Variants in PARP1 observed in about 807,000 individuals in gnomAD.
PARP1 encodes poly(ADP-ribose) polymerase 1.
PARP1 carries 44 observed loss-of-function variants against 118.7 expected under a neutral mutation model. The observed-to-expected ratio is 0.37, with a 90% CI of 0.29 to 0.48. PARP1 has a LOEUF of 0.48. PARP1 is among the 20% of genes least tolerant of loss of function. The probability of loss-of-function intolerance (pLI) is 0.99; values close to 1 mark genes in which losing one functional copy is unlikely to be tolerated. For missense variants in PARP1, 1,100 were observed against 1,272.4 expected (o/e 0.86, Z 2.06); for synonymous variants, 492 against 483.2 (o/e 1.02, Z -0.24).
chr1:226,395,311 A>G (rs1297729256), intron 2 of PARP1, among the ~76,000 whole-genome samples: 1 of 152,304 alleles, frequency 6.6e-6, no homozygotes, highest in African/African-American at 2.4e-5. Context: ...GGTCTGTAAC[A>G]TATATCTGTA....
At chr1:226,404,857 A>C (rs959707001) in intron 1 of PARP1, among the ~76,000 whole-genome samples, 2 of 152,232 alleles carry the variant, frequency 1.3e-5, no homozygotes, top group African/African-American at 4.8e-5. Flanking sequence ...CCTTCTGTGC[A>C]GAACAGGCCA....
chr1:226,372,997 A>AT (rs1220562136), intron 14 of PARP1, among the ~76,000 whole-genome samples: 1 of 152,180 alleles, frequency 6.6e-6, no homozygotes, highest in Non-Finnish European at 1.5e-5. Context: ...AGCCCTGGCC[A>AT]TTTTTTAAAC....
intron 2 of PARP1, among the ~76,000 whole-genome samples, chr1:226,398,185 T>C (rs192402202): frequency 6.6e-6 from 1 of 152,270 alleles, no homozygotes. Flanking sequence ...AATTAAGAAC[T>C]TCTGCTCTGC....
Position 226,390,447 on chromosome 1 carries a change from C to G in PARP1, c.580G>C (p.Ala194Pro). 6.2e-7 allele frequency: 1 copy of G among 1,614,156 alleles called. No homozygotes were observed. The highest frequency in any genetic ancestry group is 8.5e-7 in the Non-Finnish European group (1 of 1,180,044). ...ACTCCTGGGAGCTGCTTCTTCAGGGCTTCTTTATCCTCTGTAGCAAGGAGG... is the reference window on the plus strand; with the variant it reads ...ACTCCTGGGAGCTGCTTCTTCAGGGGTTCTTTATCCTCTGTAGCAAGGAGG... The part of the protein sequence containing the change: ...FSLLATEDKE[A>P]LKKQLPGVKS... The change falls in exon 4 of 23, where the codon GCC (alanine) becomes CCC (proline). Residue 194 changes from alanine (A) to proline (P), a missense_variant. Ala to Pro is a conservative substitution (Grantham distance 27, BLOSUM62 -1). Transcript: ENST00000366794.
chr1:226,376,039 G>A (rs994707297), intron 13 of PARP1, among the ~76,000 whole-genome samples: 1 of 152,076 alleles, frequency 6.6e-6, no homozygotes, highest in East Asian at 1.9e-4. Context: ...TACCGAGTCA[G>A]GCCAAATCTG....
chr1:226,406,270 T>C (rs1422840547), intron 1 of PARP1, among the ~76,000 whole-genome samples: 1 of 152,212 alleles, frequency 6.6e-6, no homozygotes, highest in Non-Finnish European at 1.5e-5. Context: ...GAGATGGAGA[T>C]ATCAATTTTT....
chr1:226,383,106 G>C lies in PARP1; in HGVS notation c.1089C>G (p.Ala363=). ...QDRIFPPETS[A]SVAATPPPST... ...AGGGCGGAGGCGTGGCCGCCACGGAGGCGCTGGTTTCTGGGGGGAATATAC... is the reference window on the plus strand; with the variant it reads ...AGGGCGGAGGCGTGGCCGCCACGGACGCGCTGGTTTCTGGGGGGAATATAC... Residue 363 remains alanine, a synonymous_variant, in exon 8 of 23, where the codon GCC becomes GCG. Coordinates refer to ENST00000366794, the MANE Select transcript of PARP1 (RefSeq NM_001618.4). 1 of 1,613,254 alleles carries C rather than the reference G, an allele frequency of 6.2e-7. No homozygotes were observed. Among genetic ancestry groups the C allele is most frequent in the South Asian group, 1.1e-5 (1 of 91,042 alleles).
intron 16 of PARP1, 39 bp downstream of exon 16, chr1:226,368,159 GC>G (rs775516080): frequency 6.2e-7 from 1 of 1,613,504 alleles, no homozygotes; most frequent in East Asian, 2.2e-5. Context: ...TCACACCCCA[GC>G]CCAGCAGACC....
At chr1:226,376,427 AC>A (rs1048419288) in intron 13 of PARP1, among the ~76,000 whole-genome samples, 3 of 152,208 alleles carry the variant, frequency 2.0e-5, no homozygotes, top group African/African-American at 7.2e-5. Flanking sequence ...ATAAAGTGTG[AC>A]CTAGCAGAGC....
chr1:226,388,556 C>A (rs1576399125), intron 5 of PARP1, 100 bp downstream of exon 5: 2 of 854,614 alleles, frequency 2.3e-6, no homozygotes, highest in East Asian at 4.9e-5. Context: ...TGCTAAAGGT[C>A]TTAATAAGTG....
intron 3 of PARP1, among the ~76,000 whole-genome samples, chr1:226,390,924 A>G (rs570668326): frequency 5.9e-5 from 9 of 152,048 alleles, no homozygotes; most frequent in Non-Finnish European, 4.4e-5. Flanking sequence ...GACCTGGGGC[A>G]GGCATAAAAA....
In PARP1 at chr1:226,390,422, A is replaced by G. The variant is rs372733683; in HGVS notation, c.605T>C (p.Val202Ala). 6.2e-5 allele frequency: 100 copies of G among 1,613,136 alleles called. No individual in the cohort carries two copies. The highest frequency in any genetic ancestry group is 3.5e-4 in the Middle Eastern group (2 of 5,766). ...KEALKKQLPG[V>A]KSEGKRKGDE... is the part of the protein sequence containing the mutation. ...GTGCTCCACCCACCCTTCACTCTTGACTCCTGGGAGCTGCTTCTTCAGGGC... is the reference window on the plus strand; with the variant it reads ...GTGCTCCACCCACCCTTCACTCTTGGCTCCTGGGAGCTGCTTCTTCAGGGC... The change falls in exon 4 of 23, where the codon GTC (valine) becomes GCC (alanine). Residue 202 changes from valine to alanine, a missense_variant. Coordinates refer to ENST00000366794, the MANE Select transcript of PARP1 (RefSeq NM_001618.4).
chr1:226,378,477 G>A (rs1664537655), intron 12 of PARP1, among the ~76,000 whole-genome samples: 1 of 151,630 alleles, frequency 6.6e-6, no homozygotes, highest in African/African-American at 2.4e-5. Context: ...TAAGTTCAAC[G>A]CTTGCCAACC....
chr1:226,367,715 T>G (rs2102728553), intron 16 of PARP1, 107 bp from the exon 17 acceptor site: 1 of 1,275,672 alleles, frequency 7.8e-7, no homozygotes. Context: ...ACACAGTGAA[T>G]GGCAAACCCT....
intron 1 of PARP1, among the ~76,000 whole-genome samples, chr1:226,407,488 C>T (rs1306758322): frequency 6.6e-6 from 1 of 152,120 alleles, no homozygotes; most frequent in African/African-American, 2.4e-5. Flanking sequence ...CAATTCCCCC[C>T]CAACCCCTGA....
chr1:226,374,154 C>G, intron 14 of PARP1, 72 bp downstream of exon 14: 1 of 1,553,536 alleles, frequency 6.4e-7, no homozygotes, highest in Non-Finnish European at 8.9e-7. Context: ...AACAGGCAGA[C>G]AGCTCTTCAC....
intron 5 of PARP1, among the ~76,000 whole-genome samples, chr1:226,387,017 CT>C (rs2102739312): frequency 6.6e-6 from 1 of 152,328 alleles, no homozygotes; most frequent in East Asian, 1.9e-4. Context: ...GAGTCTCACT[CT>C]GTTGCCCAGA....
chr1:226,375,458 A>G (rs1391580207), intron 13 of PARP1, among the ~76,000 whole-genome samples: 3 of 152,212 alleles, frequency 2.0e-5, no homozygotes, highest in Non-Finnish European at 4.4e-5. Flanking sequence ...GATTAATGAT[A>G]AATTCCAGCC....
At chr1:226,380,209 CA>C (rs1184391309) in intron 9 of PARP1, 45 bp from the exon 10 acceptor site, 2 of 1,593,882 alleles carry the variant, frequency 1.3e-6, no homozygotes, top group Admixed American at 3.3e-5. Flanking sequence ...AAGTTTAAAA[CA>C]AAACTGAAAC....
Sources: gnomAD v4.1 joint callset for allele counts (sites outside exome capture counted in the v4.1 genomes callset) on GRCh38, gnomAD v4.1.1 for gene constraint, MANE v1.5 for transcripts, NCBI Gene and HGNC (gene_info 2026-07-23, HGNC 2026-07-21) for gene names.